GRIK4: variants seen among roughly 807,000 people sequenced by gnomAD.
GRIK4 encodes glutamate ionotropic receptor kainate type subunit 4, also known as glutamate receptor ionotropic, kainate 4.
In GRIK4, 40 loss-of-function variants were observed where a neutral mutation model predicts 104.9. The observed-to-expected ratio is 0.38, with a 90% CI of 0.30 to 0.50. The LOEUF is 0.50. Among genes scored for constraint, GRIK4 ranks in the 20% least tolerant of loss-of-function variants. The pLI is 0.93. For missense variants in GRIK4, 1,047 were observed against 1,308.1 expected, an observed-to-expected ratio of 0.80 and a Z score of 3.08; for synonymous variants, 485 against 524.9, an observed-to-expected ratio of 0.92 and a Z score of 1.04.
intron 3 of GRIK4, among the ~76,000 whole-genome samples, chr11:120,707,057 T>C (rs1018337650): frequency 1.3e-5 from 2 of 152,182 alleles, no homozygotes. Context: ...CAGAGCCTTT[T>C]TGTTTTCATC....
At chr11:120,782,614 T>A (rs191048016) in intron 3 of GRIK4, among the ~76,000 whole-genome samples, 1 of 152,222 alleles carries the variant, frequency 6.6e-6, no homozygotes, top group East Asian at 1.9e-4. Context: ...TCAGCAGACA[T>A]TGGGATGCTC....
intron 13 of GRIK4, among the ~76,000 whole-genome samples, chr11:120,932,053 G>C (rs1486238918): frequency 6.6e-6 from 1 of 152,120 alleles, no homozygotes; most frequent in Non-Finnish European, 1.5e-5. Context: ...TCTCATCTGG[G>C]GAAAACTCCT....
intron 1 of GRIK4, among the ~76,000 whole-genome samples, chr11:120,596,988 G>T (rs1375318081): frequency 1.3e-5 from 2 of 152,218 alleles, no homozygotes; most frequent in Non-Finnish European, 2.9e-5. Flanking sequence ...GCCTCCCAAA[G>T]TGCTGAGATT....
intron 3 of GRIK4, among the ~76,000 whole-genome samples, chr11:120,732,777 T>C (rs192156551): frequency 1.0e-3 from 152 of 152,358 alleles, no homozygotes; most frequent in African/African-American, 3.5e-3. Flanking sequence ...TCCTTGAGAA[T>C]GATCCACGTG....
At chr11:120,638,756 C>G (rs573124567) in intron 1 of GRIK4, among the ~76,000 whole-genome samples, 6 of 152,004 alleles carry the variant, frequency 3.9e-5, no homozygotes, top group Non-Finnish European at 5.9e-5. Context: ...GGATTACAGG[C>G]GTGAGCCACC....
At chr11:120,609,829 C>A (rs994815605) in intron 1 of GRIK4, among the ~76,000 whole-genome samples, 1 of 152,014 alleles carries the variant, frequency 6.6e-6, no homozygotes, top group African/African-American at 2.4e-5. Context: ...TCTTAATGGA[C>A]CTGCCTTCTA....
chr11:120,947,746 T>C (rs1943896725), intron 14 of GRIK4, among the ~76,000 whole-genome samples: 1 of 152,208 alleles, frequency 6.6e-6, no homozygotes. Flanking sequence ...TTAGTAATTC[T>C]CACGGCCCCT....
At chr11:120,644,505 T>C (rs765695025) in intron 1 of GRIK4, among the ~76,000 whole-genome samples, 3 of 152,170 alleles carry the variant, frequency 2.0e-5, no homozygotes, top group Non-Finnish European at 4.4e-5. Flanking sequence ...TTGGTCACAG[T>C]AAGTGAGGGA....
At position 120,782,655 on chromosome 11, in the gene GRIK4, G is replaced by A. The variant is rs565917408; in HGVS notation, c.83-20038G>A. On this transcript the variant is annotated intron_variant, in intron 3 of 20. Transcript: ENST00000527524. ...TTGTTCTGAATAGTGAAGCAGCCCC[G>A]TCAAAGGGTGCCTTCTGTGGAGATT... is the stretch of plus-strand genomic sequence containing the variant. Among the ~76,000 whole-genome samples, 92 of 152,244 alleles carry A rather than the reference G, an allele frequency of 6.0e-4. 2 individuals are homozygous for A. In the South Asian group the frequency reaches 0.017, roughly 29 times the overall value.
intron 1 of GRIK4, among the ~76,000 whole-genome samples, chr11:120,581,676 C>G (rs1048567897): frequency 6.6e-6 from 1 of 151,968 alleles, no homozygotes; most frequent in Non-Finnish European, 1.5e-5. Flanking sequence ...CTTTTTGCGA[C>G]GGGCTTATTT....
chr11:120,597,055 A>G (rs1388386330), intron 1 of GRIK4, among the ~76,000 whole-genome samples: 1 of 152,006 alleles, frequency 6.6e-6, no homozygotes, highest in Non-Finnish European at 1.5e-5. Flanking sequence ...TTCTCCCCTC[A>G]CTTGGGGCTT....
intron 1 of GRIK4, among the ~76,000 whole-genome samples, chr11:120,596,928 T>C (rs1378896655): frequency 6.6e-6 from 1 of 152,160 alleles, no homozygotes; most frequent in Non-Finnish European, 1.5e-5. Flanking sequence ...TTTTACCATG[T>C]TGGCCAGGCT....
rs1565468294 is a variant in GRIK4, at chr11:120,967,342, ATCC to A, written c.2395+27_2395+29del. On this transcript the variant is annotated intron_variant, in intron 19 of 20. Transcript: ENST00000527524. This position sits in a 1 kb window ranked among gnomAD's most constrained non-coding sequence, Gnocchi z 4.2. ...GCTAAAGGTAAGGACGTTCAGGGCC[ATCC>A]TCCTCCTGCCCTAGAGGACCAAAGT... 5 of 1,602,330 alleles carry A rather than the reference ATCC, an allele frequency of 3.1e-6. No individual in the cohort carries two copies. Among genetic ancestry groups the A allele is most frequent in the Non-Finnish European group, 2.6e-6 (3 of 1,174,530 alleles).
rs115503717 is a variant in GRIK4 at position 120,620,457 on chromosome 11, C to A, written c.-158-33228C>A. On this transcript the variant is annotated intron_variant, in intron 1 of 20. Coordinates refer to ENST00000527524, the MANE Select transcript of GRIK4 (RefSeq NM_014619.5). ...AGCCCCTATTCCAGGGCCACTCCCC[C>A]ACCCTCAGCTGCCTCCCTGTCCTCA... 6.3e-3 allele frequency among the ~76,000 whole-genome samples: 952 copies of A among 152,248 alleles called. 7 individuals are homozygous for A. Among genetic ancestry groups the A allele is most frequent in the African/African-American group, 0.022 (922 of 41,536 alleles).
intron 11 of GRIK4, among the ~76,000 whole-genome samples, chr11:120,884,601 T>C (rs1402620975): frequency 2.6e-5 from 4 of 152,286 alleles, no homozygotes; most frequent in African/African-American, 9.6e-5. Flanking sequence ...TTCCACTCTC[T>C]AATGTGGCAG....
chr11:120,599,693 GGCTGCCA>G (rs1240913159), intron 1 of GRIK4, among the ~76,000 whole-genome samples: 3 of 152,222 alleles, frequency 2.0e-5, no homozygotes, highest in Admixed American at 2.0e-4. Flanking sequence ...CCAGTTTCAA[GGCTGCCA>G]GCTTTGGGTA....
At chr11:120,922,895 G>A (rs1943254097) in intron 13 of GRIK4, among the ~76,000 whole-genome samples, 1 of 152,190 alleles carries the variant, frequency 6.6e-6, no homozygotes. Flanking sequence ...ATTTGCTCTT[G>A]AGGCAACAAT....
At chr11:120,721,663 G>A (rs191423254) in intron 3 of GRIK4, among the ~76,000 whole-genome samples, 38 of 152,246 alleles carry the variant, frequency 2.5e-4, no homozygotes, top group Admixed American at 1.4e-3. Context: ...TACCTGGCCC[G>A]GGGTGATTAG....
At chr11:120,633,299 A>G (rs1949353888) in intron 1 of GRIK4, among the ~76,000 whole-genome samples, 1 of 152,150 alleles carries the variant, frequency 6.6e-6, no homozygotes, top group South Asian at 2.1e-4. Flanking sequence ...TCAGAGACAC[A>G]GTGAGTGCAG....
Sources: gnomAD v4.1 joint callset for allele counts (sites outside exome capture counted in the v4.1 genomes callset) on GRCh38, gnomAD v4.1.1 for gene constraint, Gnocchi (gnomAD v3.1) non-coding constraint, MANE v1.5 for transcripts, NCBI Gene and HGNC (gene_info 2026-07-23, HGNC 2026-07-21) for gene names.